The following DCLK1 variants were observed in gnomAD, a reference collection of about 807,000 sequenced individuals.
The protein encoded by DCLK1 is doublecortin like kinase 1, also known as serine/threonine-protein kinase DCLK1.
Under a neutral mutation model 86.2 loss-of-function variants are expected in DCLK1, and 16 were observed. That is an observed-to-expected ratio of 0.19 (90% CI 0.13 to 0.28). The LOEUF (loss-of-function observed/expected upper bound fraction) is 0.28, where lower values mean the gene tolerates loss of function less well. Ranked by LOEUF, DCLK1 falls within the 10% of genes least tolerant of loss-of-function variation. The pLI is 1.00. For synonymous variants in DCLK1, 369 were observed against 370.5 expected, an observed-to-expected ratio of 1.00 and a Z score of 0.05; for missense variants, 590 against 940.2, an observed-to-expected ratio of 0.63 and a Z score of 4.87.
Position 35,822,881 on chromosome 13 carries a change from A to G in DCLK1, c.1408-6T>C. On this transcript the variant is annotated splice_region_variant and splice_polypyrimidine_tract_variant and intron_variant, in intron 10 of 16. Transcript: ENST00000360631. ...GCATCAAAAAGGTCTCCCCCCTGAG[A>G]AGAGAACAGAAGCTGAAGCAGCACA... 1.2e-6 allele frequency: 2 copies of G among 1,613,752 alleles called. No individual in the cohort carries two copies. The highest frequency in any genetic ancestry group is 1.7e-6 in the Non-Finnish European group (2 of 1,179,940).
chr13:36,054,247 T>C (rs1883220512), intron 3 of DCLK1, among the ~76,000 whole-genome samples: 1 of 152,146 alleles, frequency 6.6e-6, no homozygotes, highest in Non-Finnish European at 1.5e-5. Context: ...ATCATCAGTA[T>C]ATGCCCAGGA....
chr13:35,933,308 G>C (rs578115227), intron 4 of DCLK1, among the ~76,000 whole-genome samples: 1 of 152,092 alleles, frequency 6.6e-6, no homozygotes, highest in Non-Finnish European at 1.5e-5. Context: ...GCAAGCTGTC[G>C]GCAGATCTAC....
chr13:35,890,510 TC>T (rs2153119189), intron 4 of DCLK1, among the ~76,000 whole-genome samples: 1 of 152,348 alleles, frequency 6.6e-6, no homozygotes, highest in East Asian at 1.9e-4. Context: ...TTTACTTTTT[TC>T]CCTCTAGATT....
At chr13:36,031,471 A>G (rs1007256538) in intron 3 of DCLK1, among the ~76,000 whole-genome samples, 11 of 152,234 alleles carry the variant, frequency 7.2e-5, no homozygotes, top group Non-Finnish European at 1.2e-4. Context: ...ACGTACATAT[A>G]TATGTGTGTA....
At chr13:36,126,699 C>T (rs1345989388) in intron 1 of DCLK1, among the ~76,000 whole-genome samples, 1 of 152,132 alleles carries the variant, frequency 6.6e-6, no homozygotes, top group South Asian at 2.1e-4. Flanking sequence ...ACACAGGCTC[C>T]TCTGCACGCT....
At chr13:35,884,860 G>A (rs1392539850) in intron 4 of DCLK1, among the ~76,000 whole-genome samples, 10 of 152,086 alleles carry the variant, frequency 6.6e-5, no homozygotes, top group South Asian at 2.1e-4. Context: ...ATGATGATTC[G>A]TCATAGTTTA....
intron 5 of DCLK1, among the ~76,000 whole-genome samples, chr13:35,865,176 A>G (rs1871699760): frequency 6.6e-6 from 1 of 151,594 alleles, no homozygotes; most frequent in African/African-American, 2.4e-5. Context: ...GTAGATAAAA[A>G]AAATTGCTTA....
chr13:36,026,459 T>C (rs1343703754), intron 3 of DCLK1, among the ~76,000 whole-genome samples: 2 of 152,218 alleles, frequency 1.3e-5, no homozygotes, highest in Admixed American at 1.3e-4. Context: ...AGCAAAGATC[T>C]AATCAATTCT....
At chr13:36,086,691 A>T (rs1884618404) in intron 3 of DCLK1, among the ~76,000 whole-genome samples, 1 of 151,092 alleles carries the variant, frequency 6.6e-6, no homozygotes, top group African/African-American at 2.4e-5. Flanking sequence ...TCATTGTTCA[A>T]CTCCCACTTA....
At chr13:35,928,087 G>C (rs1876227630) in intron 4 of DCLK1, among the ~76,000 whole-genome samples, 1 of 152,214 alleles carries the variant, frequency 6.6e-6, no homozygotes, top group South Asian at 2.1e-4. Flanking sequence ...GTGCTTTCCT[G>C]GGTTCTGTAA....
At chr13:35,991,816 A>T (rs1266235783) in intron 3 of DCLK1, among the ~76,000 whole-genome samples, 1 of 152,132 alleles carries the variant, frequency 6.6e-6, no homozygotes, top group Non-Finnish European at 1.5e-5. Flanking sequence ...CTGATTCCAG[A>T]TCATTTTGTG....
At chr13:35,965,586 G>A (rs1878694203) in intron 3 of DCLK1, among the ~76,000 whole-genome samples, 1 of 152,132 alleles carries the variant, frequency 6.6e-6, no homozygotes, top group Non-Finnish European at 1.5e-5. Flanking sequence ...CTTGCTCAGG[G>A]AAACCTTGAA....
chr13:36,078,089 AG>A (rs1341043866), intron 3 of DCLK1, among the ~76,000 whole-genome samples: 1 of 152,170 alleles, frequency 6.6e-6, no homozygotes, highest in Non-Finnish European at 1.5e-5. Flanking sequence ...TAAAATCATG[AG>A]GGTGGAGCCC....
Position 35,931,004 on chromosome 13 carries a change from G to A in DCLK1, c.823+16354C>T, listed in dbSNP as rs144890537. On this transcript the variant is annotated intron_variant, in intron 4 of 16. Coordinates refer to ENST00000360631, the MANE Select transcript of DCLK1 (RefSeq NM_001330071.2). The stretch of plus-strand genomic sequence containing the variant: ...CTCTTTAACATTTTAATGTGTTTAC[G>A]TTTATCTTTTAACTGTTTGTTAACC... Among the ~76,000 whole-genome samples, 461 of 152,244 alleles carry A rather than the reference G, an allele frequency of 3.0e-3. 1 individual carries two copies. Among genetic ancestry groups the A allele is most frequent in the African/African-American group, 0.01 (422 of 41,554 alleles).
intron 11 of DCLK1, among the ~76,000 whole-genome samples, chr13:35,821,920 A>G (rs2087403434): frequency 6.6e-6 from 1 of 151,976 alleles, no homozygotes; most frequent in African/African-American, 2.4e-5. Flanking sequence ...AAGCAAACCA[A>G]ATAGTGTAAA....
intron 3 of DCLK1, among the ~76,000 whole-genome samples, chr13:35,966,825 G>T (rs1188527409): frequency 6.6e-6 from 1 of 151,960 alleles, no homozygotes; most frequent in Non-Finnish European, 1.5e-5. Context: ...GCCCAGGCTG[G>T]AGTGCAGTGG....
chr13:35,977,130 T>C (rs1215152733), intron 3 of DCLK1, among the ~76,000 whole-genome samples: 2 of 152,218 alleles, frequency 1.3e-5, no homozygotes, highest in Admixed American at 6.5e-5. Flanking sequence ...TGTGTGTGTA[T>C]ATATATACAG....
intron 12 of DCLK1, among the ~76,000 whole-genome samples, chr13:35,809,465 C>T (rs570338400): frequency 2.0e-5 from 3 of 152,096 alleles, no homozygotes; most frequent in Non-Finnish European, 4.4e-5. Context: ...ATTTCTAGAA[C>T]GTTTTCCAAT....
At chr13:35,971,821 G>T (rs1879075601) in intron 3 of DCLK1, among the ~76,000 whole-genome samples, 1 of 151,874 alleles carries the variant, frequency 6.6e-6, no homozygotes, top group Non-Finnish European at 1.5e-5. Context: ...CTGGGCCCTG[G>T]AGCTGCTAAC....
Sources: gnomAD v4.1 joint callset for allele counts (sites outside exome capture counted in the v4.1 genomes callset) on GRCh38, gnomAD v4.1.1 for gene constraint, MANE v1.5 for transcripts, NCBI Gene and HGNC (gene_info 2026-07-23, HGNC 2026-07-21) for gene names.